Variants in ACTR3C observed in about 807,000 individuals in gnomAD.
The protein encoded by ACTR3C is actin related protein 3C, also known as actin-related protein 3C.
Under a neutral mutation model 26.3 loss-of-function variants are expected in ACTR3C, and 18 were observed. That is an observed-to-expected ratio of 0.68 (90% CI 0.47 to 1.01). ACTR3C has a LOEUF of 1.01. ACTR3C is among the 50% of genes least tolerant of loss of function. ACTR3C has a pLI of 0.00. For missense variants in ACTR3C, 184 were observed against 250.7 expected, an observed-to-expected ratio of 0.73 and a Z score of 1.80; for synonymous variants, 55 against 94.5, an observed-to-expected ratio of 0.58 and a Z score of 2.42.
the ACTR3C span, among the ~76,000 whole-genome samples, chr7:150,198,070 C>G: frequency 1.3e-5 from 2 of 151,486 alleles, no homozygotes; most frequent in Non-Finnish European, 2.9e-5. Context: ...GGTCTCCAGC[C>G]CCTAACCGCG....
At chr7:149,899,918 TC>T in the ACTR3C span, among the ~76,000 whole-genome samples, 1 of 111,996 alleles carries the variant, frequency 8.9e-6, no homozygotes, top group Non-Finnish European at 2.0e-5. Context: ...AAAAAAAAAT[TC>T]AGCTTCCAAG....
At chr7:150,197,930 A>G in the ACTR3C span, among the ~76,000 whole-genome samples, 1 of 142,850 alleles carries the variant, frequency 7.0e-6, no homozygotes. Flanking sequence ...TACTGCTGCC[A>G]TCTCGGCTCA....
chr7:150,268,291 T>G (rs1584879654), intron 6 of ACTR3C, among the ~76,000 whole-genome samples: 1 of 147,896 alleles, frequency 6.8e-6, no homozygotes, highest in African/African-American at 2.6e-5. Context: ...TGCACTATAC[T>G]TCCAGGCCTT....
At chr7:150,044,308 G>C in the ACTR3C span, among the ~76,000 whole-genome samples, 1 of 152,160 alleles carries the variant, frequency 6.6e-6, no homozygotes, top group Non-Finnish European at 1.5e-5. Flanking sequence ...ATTCCTTTAA[G>C]AGTCAACTTA....
At chr7:150,087,508 A>G in the ACTR3C span, among the ~76,000 whole-genome samples, 3 of 152,190 alleles carry the variant, frequency 2.0e-5, no homozygotes, top group Admixed American at 6.5e-5. Context: ...TGAAGGGGGA[A>G]GCATGAGGGG....
the ACTR3C span, among the ~76,000 whole-genome samples, chr7:150,070,825 C>T: frequency 5.0e-5 from 7 of 140,174 alleles, no homozygotes; most frequent in Admixed American, 1.5e-4. Flanking sequence ...GATGGAGTTT[C>T]GCTCTGTCAC....
the ACTR3C span, among the ~76,000 whole-genome samples, chr7:150,125,031 T>A: frequency 7.9e-5 from 12 of 152,358 alleles, no homozygotes; most frequent in East Asian, 2.3e-3. Context: ...AAAGTCTCTA[T>A]TCAATGCCTA....
the ACTR3C span, among the ~76,000 whole-genome samples, chr7:150,170,538 G>A: frequency 6.6e-6 from 1 of 150,514 alleles, no homozygotes; most frequent in Non-Finnish European, 1.5e-5. Flanking sequence ...TTCATTGCTG[G>A]CCCATTGAAC....
At chr7:150,054,331 C>G in the ACTR3C span, among the ~76,000 whole-genome samples, 2 of 152,352 alleles carry the variant, frequency 1.3e-5, no homozygotes, top group Non-Finnish European at 2.9e-5. Context: ...AACCTGTCCC[C>G]TGACACCTAC....
intron 6 of ACTR3C, among the ~76,000 whole-genome samples, chr7:150,268,290 C>G (rs972387744): frequency 6.8e-6 from 1 of 147,968 alleles, no homozygotes; most frequent in Admixed American, 6.6e-5. Context: ...ATGCACTATA[C>G]TTCCAGGCCT....
At chr7:150,172,001 G>A in the ACTR3C span, among the ~76,000 whole-genome samples, 7 of 150,690 alleles carry the variant, frequency 4.6e-5, no homozygotes, top group South Asian at 2.1e-4. Flanking sequence ...TAGTAGAGAC[G>A]GGGTTGCACC....
the ACTR3C span, among the ~76,000 whole-genome samples, chr7:150,042,421 A>G: frequency 1.1e-4 from 14 of 133,030 alleles, no homozygotes; most frequent in Non-Finnish European, 1.4e-4. Context: ...CCGCGTCGCG[A>G]GGGGTGCCTC....
the ACTR3C span, chr7:150,000,701 C>T: frequency 7.7e-6 from 1 of 129,876 alleles, no homozygotes; most frequent in Non-Finnish European, 1.7e-5. Flanking sequence ...CCCACCCAAG[C>T]TATAACCTGG....
At chr7:150,104,463 A>G in the ACTR3C span, among the ~76,000 whole-genome samples, 1 of 151,850 alleles carries the variant, frequency 6.6e-6, no homozygotes, top group African/African-American at 2.4e-5. Context: ...AAATAAAAAT[A>G]GACATTTGTA....
chr7:149,977,415 T>A, the ACTR3C span, among the ~76,000 whole-genome samples: 1 of 152,242 alleles, frequency 6.6e-6, no homozygotes, highest in African/African-American at 2.4e-5. Flanking sequence ...TTTCCTTTTT[T>A]AAACCCCTGT....
chr7:150,035,699 G>A, the ACTR3C span, among the ~76,000 whole-genome samples: 5 of 139,252 alleles, frequency 3.6e-5, no homozygotes, highest in Admixed American at 6.9e-5. Context: ...TCAGCGATGG[G>A]GGTCCTAAGC....
the ACTR3C span, among the ~76,000 whole-genome samples, chr7:149,904,415 A>G: frequency 6.6e-6 from 1 of 151,484 alleles, no homozygotes; most frequent in African/African-American, 2.4e-5. Flanking sequence ...CTGTAGTCCC[A>G]ACTACTCGGG....
At chr7:150,036,480 G>A in the ACTR3C span, among the ~76,000 whole-genome samples, 4 of 145,866 alleles carry the variant, frequency 2.7e-5, no homozygotes, top group African/African-American at 9.9e-5. Context: ...CAGGGCTGGG[G>A]CTGCCAGAAG....
At chr7:149,913,946 T>C in the ACTR3C span, among the ~76,000 whole-genome samples, 1 of 149,278 alleles carries the variant, frequency 6.7e-6, no homozygotes, top group Non-Finnish European at 1.5e-5. Flanking sequence ...AGTACAGTGG[T>C]GTGATCACGG....
Sources: gnomAD v4.1 joint callset for allele counts (sites outside exome capture counted in the v4.1 genomes callset) on GRCh38, gnomAD v4.1.1 for gene constraint, MANE v1.5 for transcripts, NCBI Gene and HGNC (gene_info 2026-07-23, HGNC 2026-07-21) for gene names.